CNTNAP2: variants seen among roughly 807,000 people sequenced by gnomAD.
CNTNAP2 encodes contactin-associated protein-like 2.
CNTNAP2 carries 98 observed loss-of-function variants against 155.2 expected under a neutral mutation model. The ratio of observed to expected loss-of-function variants is 0.63; its 90% CI spans 0.54 to 0.75. The LOEUF is 0.75. Among genes scored for constraint, CNTNAP2 ranks in the 30% least tolerant of loss-of-function variants. The pLI is 0.00. For synonymous variants in CNTNAP2, 651 were observed against 631.2 expected (o/e 1.03, Z -0.47); for missense variants, 1,727 against 1,688.1 (o/e 1.02, Z -0.40).
intron 14 of CNTNAP2, among the ~76,000 whole-genome samples, chr7:147,952,315 G>A (rs1800949623): frequency 7.2e-6 from 1 of 138,604 alleles, no homozygotes; most frequent in Non-Finnish European, 1.6e-5. Flanking sequence ...GGTGGTGGAT[G>A]CCTGTAATCC....
intron 4 of CNTNAP2, among the ~76,000 whole-genome samples, chr7:147,095,664 G>A (rs1015391611): frequency 6.6e-6 from 1 of 151,048 alleles, no homozygotes; most frequent in African/African-American, 2.4e-5. Flanking sequence ...CTACAATATT[G>A]ATTTTTGTTT....
intron 4 of CNTNAP2, among the ~76,000 whole-genome samples, chr7:147,095,201 T>G (rs78173911): frequency 6.7e-6 from 1 of 149,320 alleles, no homozygotes; most frequent in Non-Finnish European, 1.5e-5. Context: ...TTTTTTTTTT[T>G]TTTTTTGTAT....
intron 3 of CNTNAP2, among the ~76,000 whole-genome samples, chr7:146,972,769 C>G (rs1031099769): frequency 2.6e-5 from 4 of 152,036 alleles, no homozygotes; most frequent in African/African-American, 7.2e-5. Context: ...TGCTTGAAAA[C>G]CTTTTATTAA....
At chr7:147,394,851 A>T (rs2373030) in intron 9 of CNTNAP2, among the ~76,000 whole-genome samples, 3 of 100,058 alleles carry the variant, frequency 3.0e-5, no homozygotes, top group Admixed American at 9.8e-5. Flanking sequence ...GTGTGTGTTT[A>T]CTCTTGTTAT....
intron 13 of CNTNAP2, among the ~76,000 whole-genome samples, chr7:147,881,565 C>T (rs149010018): frequency 2.0e-4 from 31 of 152,176 alleles, no homozygotes; most frequent in African/African-American, 6.5e-4. Context: ...GCAGTGTGAC[C>T]GAGGCTCCAA....
chr7:148,319,616 A>T (rs756345899), intron 21 of CNTNAP2, among the ~76,000 whole-genome samples: 1 of 151,806 alleles, frequency 6.6e-6, no homozygotes, highest in Non-Finnish European at 1.5e-5. Context: ...TTACCACCTG[A>T]GCTCCACCTT....
At chr7:148,318,275 C>A (rs572649417) in intron 21 of CNTNAP2, among the ~76,000 whole-genome samples, 1 of 152,126 alleles carries the variant, frequency 6.6e-6, no homozygotes, top group Non-Finnish European at 1.5e-5. Context: ...AGAAGTCACC[C>A]GGCTGTCGCC....
At chr7:148,326,645 T>G (rs1797893247) in intron 21 of CNTNAP2, among the ~76,000 whole-genome samples, 1 of 151,992 alleles carries the variant, frequency 6.6e-6, no homozygotes, top group Non-Finnish European at 1.5e-5. Context: ...GGCGGGCGGA[T>G]CATGAGGTCA....
chr7:148,189,320 C>T (rs1482735373), intron 18 of CNTNAP2, among the ~76,000 whole-genome samples: 4 of 152,090 alleles, frequency 2.6e-5, no homozygotes, highest in African/African-American at 9.7e-5. Context: ...CAGGAGAGGA[C>T]AGCAACATTT....
intron 10 of CNTNAP2, among the ~76,000 whole-genome samples, chr7:147,462,356 T>G (rs1226764764): frequency 6.6e-6 from 1 of 152,218 alleles, no homozygotes; most frequent in Non-Finnish European, 1.5e-5. Context: ...AATACCCTTT[T>G]CATTTATAAA....
chr7:146,903,392 T>C (rs1447736835), intron 3 of CNTNAP2, among the ~76,000 whole-genome samples: 1 of 152,190 alleles, frequency 6.6e-6, no homozygotes, highest in African/African-American at 2.4e-5. Context: ...TACTCAATAA[T>C]TTCATTTGCA....
At chr7:148,136,667 C>T (rs921489365) in intron 16 of CNTNAP2, among the ~76,000 whole-genome samples, 2 of 152,154 alleles carry the variant, frequency 1.3e-5, no homozygotes, top group East Asian at 1.9e-4. Flanking sequence ...TCCATTCATT[C>T]TCTTTGTTGA....
At chr7:147,686,093 C>T (rs1316145650) in intron 13 of CNTNAP2, among the ~76,000 whole-genome samples, 3 of 151,988 alleles carry the variant, frequency 2.0e-5, no homozygotes, top group Admixed American at 6.6e-5. Context: ...AGCTGCTATA[C>T]ACAAGGAAGC....
chr7:146,947,557 GTATATATATATATATATACATA>G (rs1227680939), intron 3 of CNTNAP2, among the ~76,000 whole-genome samples: 1 of 50,714 alleles, frequency 2.0e-5, no homozygotes, highest in East Asian at 3.2e-4. Flanking sequence ...GTGTGTGTGT[GTATATATATATATATATACATA>G]TATATATATA....
intron 1 of CNTNAP2, among the ~76,000 whole-genome samples, chr7:146,716,617 T>C (rs1801193437): frequency 6.6e-6 from 1 of 152,222 alleles, no homozygotes; most frequent in African/African-American, 2.4e-5. Flanking sequence ...ATTTTAGGAG[T>C]CTATCATTCT....
At chr7:147,113,471 T>A (rs1468726789) in intron 5 of CNTNAP2, among the ~76,000 whole-genome samples, 2 of 151,734 alleles carry the variant, frequency 1.3e-5, no homozygotes, top group Non-Finnish European at 2.9e-5. Flanking sequence ...TTACTTGACT[T>A]ACAGTTTCAC....
At chr7:146,640,461 A>G (rs1249029833) in intron 1 of CNTNAP2, among the ~76,000 whole-genome samples, 1 of 152,218 alleles carries the variant, frequency 6.6e-6, no homozygotes, top group African/African-American at 2.4e-5. Flanking sequence ...CTGATGCCTC[A>G]TTAAAGATAT....
intron 12 of CNTNAP2, among the ~76,000 whole-genome samples, chr7:147,578,181 G>T (rs140035794): frequency 3.3e-5 from 5 of 152,208 alleles, no homozygotes; most frequent in African/African-American, 1.2e-4. Context: ...AAGCATGTTT[G>T]ATACTTTTGA....
chr7:147,301,573 G>GCTCT (rs1273428300), intron 9 of CNTNAP2, among the ~76,000 whole-genome samples: 4 of 139,176 alleles, frequency 2.9e-5, no homozygotes, highest in African/African-American at 1.1e-4. Flanking sequence ...TAGTTATATA[G>GCTCT]CTCTCTCTCT....
Sources: gnomAD v4.1 joint callset for allele counts (sites outside exome capture counted in the v4.1 genomes callset) on GRCh38, gnomAD v4.1.1 for gene constraint, MANE v1.5 for transcripts, NCBI Gene and HGNC (gene_info 2026-07-23, HGNC 2026-07-21) for gene names.